VPS41: variants seen among roughly 807,000 people sequenced by gnomAD.
VPS41 encodes VPS41 subunit of HOPS complex.
Under a neutral mutation model 130.9 loss-of-function variants are expected in VPS41, and 85 were observed. The observed-to-expected ratio is 0.65, with a 90% confidence interval of 0.55 to 0.78. The LOEUF is 0.78. Ranked by LOEUF, VPS41 falls within the 30% of genes least tolerant of loss-of-function variation. The pLI is 0.00. For missense variants in VPS41, 874 were observed against 1,018.7 expected (o/e 0.86, Z 1.93); for synonymous variants, 335 against 332.9 (o/e 1.01, Z -0.07).
intron 7 of VPS41, among the ~76,000 whole-genome samples, chr7:38,816,349 C>T (rs181523252): frequency 6.6e-6 from 1 of 152,166 alleles, no homozygotes; most frequent in South Asian, 2.1e-4. Flanking sequence ...ACCTGCCACT[C>T]ATTACAACGA....
intron 7 of VPS41, among the ~76,000 whole-genome samples, chr7:38,797,661 C>T (rs1416884849): frequency 6.6e-6 from 1 of 152,182 alleles, no homozygotes; most frequent in African/African-American, 2.4e-5. Flanking sequence ...AAAGCAAATG[C>T]TGACAACAGA....
Position 38,902,607 on chromosome 7 carries a change from A to C in VPS41, c.22-4478T>G, listed in dbSNP as rs76343934. Among the ~76,000 whole-genome samples the C allele has an allele frequency of 6.1e-3, 935 of 152,170 alleles. 8 individuals are homozygous for C. Among genetic ancestry groups the C allele is most frequent in the Middle Eastern group, 0.024 (7 of 294 alleles). On this transcript the variant is annotated intron_variant, in intron 1 of 28. Transcript: ENST00000310301. Reference sequence around the variant, plus strand: ...GCACTCCACCACCCCCACCACTCCCAATTTCTGACACCAAGGCACGCCTGC... The same window carrying C: ...GCACTCCACCACCCCCACCACTCCCCATTTCTGACACCAAGGCACGCCTGC...
intron 2 of VPS41, among the ~76,000 whole-genome samples, chr7:38,885,724 C>G (rs964245867): frequency 1.3e-5 from 2 of 152,048 alleles, no homozygotes; most frequent in Non-Finnish European, 2.9e-5. Flanking sequence ...AAATGTTTAT[C>G]GTGAGATGAA....
chr7:38,824,081 C>A (rs1049049889), intron 5 of VPS41, among the ~76,000 whole-genome samples: 14 of 152,140 alleles, frequency 9.2e-5, no homozygotes, highest in Admixed American at 2.0e-4. Flanking sequence ...AGTGAATCAA[C>A]AAATGGCCAC....
intron 22 of VPS41, among the ~76,000 whole-genome samples, chr7:38,747,881 A>C (rs572797779): frequency 6.6e-6 from 1 of 152,332 alleles, no homozygotes; most frequent in South Asian, 2.1e-4. Flanking sequence ...ACTTTCAAAA[A>C]GGAAGTCATG....
intron 7 of VPS41, among the ~76,000 whole-genome samples, chr7:38,807,618 C>T (rs1042326574): frequency 2.0e-5 from 3 of 152,168 alleles, no homozygotes; most frequent in Non-Finnish European, 2.9e-5. Context: ...TGTGTACACA[C>T]AGCACCTAAC....
At chr7:38,867,201 G>A (rs772939276) in intron 3 of VPS41, among the ~76,000 whole-genome samples, 1 of 152,144 alleles carries the variant, frequency 6.6e-6, no homozygotes, top group Non-Finnish European at 1.5e-5. Context: ...GGGAAACAAG[G>A]GAGGAAATGT....
chr7:38,840,219 T>C (rs558521147), intron 4 of VPS41, among the ~76,000 whole-genome samples: 1 of 152,348 alleles, frequency 6.6e-6, no homozygotes, highest in African/African-American at 2.4e-5. Context: ...ACGAGCTATA[T>C]AAACACTGTT....
chr7:38,835,549 G>A (rs964939610), intron 4 of VPS41, among the ~76,000 whole-genome samples: 1 of 151,698 alleles, frequency 6.6e-6, no homozygotes, highest in African/African-American at 2.4e-5. Context: ...GATGCATTGT[G>A]GTCTGAGAAT....
intron 24 of VPS41, 65 bp downstream of exon 24, chr7:38,743,337 T>C: frequency 1.3e-6 from 2 of 1,576,732 alleles, no homozygotes; most frequent in South Asian, 1.1e-5. Flanking sequence ...TAGTTTTTAA[T>C]CTAGACATAA....
At chr7:38,908,013 C>T (rs1787306249) in intron 1 of VPS41, among the ~76,000 whole-genome samples, 2 of 152,144 alleles carry the variant, frequency 1.3e-5, no homozygotes, top group African/African-American at 4.8e-5. Context: ...CCAGCCAAAC[C>T]AAATTTCTAC....
rs765546232 is a variant in VPS41, at chr7:38,727,002, C to A, written c.2405-14G>T. The A allele has an allele frequency of 4.6e-6, 7 of 1,524,796 alleles. No individual in the cohort carries two copies. In the South Asian group the frequency reaches 7.7e-5, roughly 17 times the overall value. 94.5% of individuals were successfully genotyped at this position (1,524,796 alleles called of 1,614,324 possible). A position where few individuals can be genotyped will look rare whatever the true frequency, so the allele number is the denominator to read the frequency against. ...GCTTAGCTGCATCTGGCGAGGAGGGCAGAGAAAGGAGGAGAACTTAATGCA... is the reference window on the plus strand; with the variant it reads ...GCTTAGCTGCATCTGGCGAGGAGGGAAGAGAAAGGAGGAGAACTTAATGCA... On this transcript the variant is annotated splice_polypyrimidine_tract_variant and intron_variant, in intron 27 of 28. Coordinates refer to ENST00000310301, the MANE Select transcript of VPS41 (RefSeq NM_014396.4).
intron 25 of VPS41, among the ~76,000 whole-genome samples, chr7:38,740,602 G>A (rs1296834640): frequency 3.3e-5 from 5 of 152,018 alleles, no homozygotes; most frequent in Admixed American, 1.3e-4. Context: ...AGCTTTTTGC[G>A]GAACAGGTAA....
At chr7:38,755,921 C>T (rs775814588) in intron 19 of VPS41, among the ~76,000 whole-genome samples, 1 of 152,098 alleles carries the variant, frequency 6.6e-6, no homozygotes, top group East Asian at 1.9e-4. Context: ...CGTAATTCTT[C>T]GTAAATCTGT....
At chr7:38,731,895 A>G (rs1406685483) in intron 25 of VPS41, among the ~76,000 whole-genome samples, 1 of 152,180 alleles carries the variant, frequency 6.6e-6, no homozygotes, top group African/African-American at 2.4e-5. Context: ...AAAGTATTAC[A>G]GACACAGCTG....
At chr7:38,731,191 T>C (rs1313990090) in intron 25 of VPS41, among the ~76,000 whole-genome samples, 1 of 152,256 alleles carries the variant, frequency 6.6e-6, no homozygotes, top group African/African-American at 2.4e-5. Context: ...CTATCCTCTA[T>C]AGAATGTAAT....
At chr7:38,728,863 T>C (rs1795602317) in intron 25 of VPS41, 72 bp from the exon 26 acceptor site, 2 of 1,347,040 alleles carry the variant, frequency 1.5e-6, no homozygotes, top group Non-Finnish European at 1.0e-6. Flanking sequence ...GACACTGTAC[T>C]GGGGATTCCA....
chr7:38,799,940 T>C (rs972143455), intron 7 of VPS41, among the ~76,000 whole-genome samples: 3 of 152,066 alleles, frequency 2.0e-5, no homozygotes, highest in Admixed American at 1.3e-4. Context: ...CAGTGGAGTA[T>C]GTGCAGAGAA....
chr7:38,735,163 CTG>C (rs1377625451), intron 25 of VPS41, among the ~76,000 whole-genome samples: 1 of 152,134 alleles, frequency 6.6e-6, no homozygotes, highest in Non-Finnish European at 1.5e-5. Flanking sequence ...TAAGGCAAAA[CTG>C]AAATAATTTC....
Sources: allele counts gnomAD v4.1 joint callset (sites outside exome capture counted in the v4.1 genomes callset), GRCh38; gene constraint gnomAD v4.1.1; transcripts MANE v1.5; gene names NCBI Gene and HGNC (gene_info 2026-07-23, HGNC 2026-07-21).